The following SEPTIN9 variants were observed in gnomAD, a reference collection of about 807,000 sequenced individuals.
SEPTIN9 encodes the protein septin-9.
Under a neutral mutation model 56.6 loss-of-function variants are expected in SEPTIN9, and 13 were observed. The ratio of observed to expected loss-of-function variants is 0.23; its 90% confidence interval spans 0.15 to 0.37. SEPTIN9 has a LOEUF of 0.37. Among genes scored for constraint, SEPTIN9 ranks in the 10% least tolerant of loss-of-function variants. SEPTIN9 has a pLI of 1.00. For synonymous variants in SEPTIN9, 332 were observed against 334.1 expected, an observed-to-expected ratio of 0.99 and a Z score of 0.07; for missense variants, 650 against 823.1, an observed-to-expected ratio of 0.79 and a Z score of 2.57.
Position 77,425,740 on chromosome 17 carries a change from C to G in SEPTIN9, c.721+23037C>G, listed in dbSNP as rs543048496. Among the ~76,000 whole-genome samples, 181 of 151,798 alleles carry G rather than the reference C, an allele frequency of 1.2e-3. No individual in the cohort carries two copies. Among genetic ancestry groups the G allele is most frequent in the African/African-American group, 3.9e-3 (162 of 41,314 alleles). On this transcript the variant is annotated intron_variant, in intron 3 of 11. Transcript: ENST00000427177. This position sits in a 1 kb window ranked among gnomAD's most constrained non-coding sequence, Gnocchi z 4.2. ...GGGAGGCTAAGAGGAAGCTGCCCCC[C>G]GCTCATCTACCCCCCAACCCTCCCA...
chr17:77,464,652 G>A (rs1037516807), intron 3 of SEPTIN9, among the ~76,000 whole-genome samples: 3 of 151,154 alleles, frequency 2.0e-5, no homozygotes, highest in Non-Finnish European at 2.9e-5. Context: ...CCAGGCTGGA[G>A]TGCAGTGGCG....
Position 77,451,598 on chromosome 17 carries a change from C to T in SEPTIN9, c.722-30546C>T. The T allele has an allele frequency of 1.0e-6, 1 of 967,380 alleles. No homozygotes were observed. The highest frequency in any genetic ancestry group is 1.2e-6 in the Non-Finnish European group (1 of 813,560). The allele number at this position is 967,380 out of a possible 1,614,324, so 59.9% of individuals were successfully genotyped here. ...CGGGGGCTCTCAGGTGGCGCGGCCG[C>T]GAGGCGGACCCTGATGGCCATGGTG... On this transcript the variant is annotated intron_variant, in intron 3 of 11. Coordinates refer to ENST00000427177, the MANE Select transcript of SEPTIN9 (RefSeq NM_001113491.2). This position sits in a 1 kb window ranked among gnomAD's most constrained non-coding sequence, Gnocchi z 4.2.
At position 77,456,931 on chromosome 17, in the gene SEPTIN9, G is replaced by A. The variant is rs2038230258; in HGVS notation, c.722-25213G>A. Among the ~76,000 whole-genome samples, 1 of 152,250 alleles carries A rather than the reference G, an allele frequency of 6.6e-6. No homozygotes were observed. Among genetic ancestry groups the A allele is most frequent in the South Asian group, 2.1e-4 (1 of 4,836 alleles). On this transcript the variant is annotated intron_variant, in intron 3 of 11. Transcript: ENST00000427177. The surrounding 1 kb of genome is among the most constrained non-coding windows in gnomAD (Gnocchi z 6.0). ...ACCAGGTCTCAGGGACCAGCGCTGG[G>A]ACCCTGGATGACTGAAGGAGGGCAC...
In SEPTIN9 at chr17:77,293,329, T is replaced by G. The variant is rs187874308; in HGVS notation, c.19+11775T>G. On this transcript the variant is annotated intron_variant, in intron 1 of 11. Transcript: ENST00000427177. ...CCATCACGCCTTGCTAATTTTTGTA[T>G]TTTTTGTGTGTGTGTAAAGACAAGG... Among the ~76,000 whole-genome samples, 13 of 152,300 alleles carry G rather than the reference T, an allele frequency of 8.5e-5. No individual in the cohort carries two copies. The East Asian group carries it at 2.5e-3, about 29-fold the overall frequency.
chr17:77,487,352 G>C lies in SEPTIN9; in HGVS notation c.914-72G>C, dbSNP rs991096451. On this transcript the variant is annotated intron_variant, in intron 4 of 11. Coordinates refer to ENST00000427177, the MANE Select transcript of SEPTIN9 (RefSeq NM_001113491.2). The surrounding 1 kb of genome is among the most constrained non-coding windows in gnomAD (Gnocchi z 4.3). ...ACTGGAGAGCCTCGTGCCTGGGTGG[G>C]AGGGGCCCCATGTGCAGACCCTGCT... 20 of 1,523,824 alleles carry C rather than the reference G, an allele frequency of 1.3e-5. No homozygotes were observed. Among genetic ancestry groups the C allele is most frequent in the Non-Finnish European group, 1.8e-5 (20 of 1,123,912 alleles). 94.4% of individuals were successfully genotyped at this position (1,523,824 alleles called of 1,614,324 possible). A position where few individuals can be genotyped will look rare whatever the true frequency, so the allele number is the denominator to read the frequency against.
chr17:77,410,729 A>G (rs2036266733), intron 3 of SEPTIN9, among the ~76,000 whole-genome samples: 1 of 152,182 alleles, frequency 6.6e-6, no homozygotes, highest in Non-Finnish European at 1.5e-5. Flanking sequence ...AAGCACATAA[A>G]CAAAAGCCAA....
intron 1 of SEPTIN9, among the ~76,000 whole-genome samples, chr17:77,302,460 A>G (rs181631718): frequency 6.6e-6 from 1 of 152,084 alleles, no homozygotes; most frequent in Non-Finnish European, 1.5e-5. Flanking sequence ...TGGGAGGATC[A>G]CAAGGTCAGG....
At chr17:77,490,939 A>C (rs950276956) in intron 8 of SEPTIN9, 80 bp downstream of exon 8, 9 of 1,118,756 alleles carry the variant, frequency 8.0e-6, no homozygotes, top group Non-Finnish European at 1.2e-5. Context: ...CACCCCGTCT[A>C]AAGGAGTCAC....
chr17:77,450,609 C>A lies in SEPTIN9; in HGVS notation c.722-31535C>A. 1.0e-6 allele frequency: 1 copy of A among 985,752 alleles called. No homozygotes were observed. Among genetic ancestry groups the A allele is most frequent in the Non-Finnish European group, 1.2e-6 (1 of 830,184 alleles). The allele number at this position is 985,752 out of a possible 1,614,324, so 61.1% of individuals were successfully genotyped here. ...AGGCCCAGCCCCTATAGTGTCAGCTCCCTCCTCTGGGGACCCCCTTGCTTG... is the reference window on the plus strand; with the variant it reads ...AGGCCCAGCCCCTATAGTGTCAGCTACCTCCTCTGGGGACCCCCTTGCTTG... On this transcript the variant is annotated intron_variant, in intron 3 of 11. Transcript: ENST00000427177. This position sits in a 1 kb window ranked among gnomAD's most constrained non-coding sequence, Gnocchi z 6.0.
intron 2 of SEPTIN9, among the ~76,000 whole-genome samples, chr17:77,309,088 T>A (rs949803848): frequency 3.3e-5 from 5 of 152,222 alleles, no homozygotes; most frequent in Non-Finnish European, 4.4e-5. Context: ...CCTCTCCATC[T>A]CCTTCCCTCT....
intron 2 of SEPTIN9, among the ~76,000 whole-genome samples, chr17:77,334,421 C>CAA (rs34122443): frequency 5.4e-5 from 5 of 92,250 alleles, no homozygotes; most frequent in African/African-American, 1.3e-4. Context: ...GACTCTGTCT[C>CAA]AAAAAAAAAA....
chr17:77,452,725 G>A (rs1462552863), intron 3 of SEPTIN9, among the ~76,000 whole-genome samples: 2 of 151,804 alleles, frequency 1.3e-5, no homozygotes, highest in African/African-American at 4.8e-5. Flanking sequence ...AATGCTGTGG[G>A]TTTTCCTCCT....
chr17:77,413,200 C>G (rs9916143), intron 3 of SEPTIN9, among the ~76,000 whole-genome samples: 58,908 of 151,574 alleles, frequency 0.39, 12,174 homozygotes, highest in African/African-American at 0.48. Flanking sequence ...TACCCTCTGC[C>G]TTCTGGAACA....
intron 3 of SEPTIN9, among the ~76,000 whole-genome samples, chr17:77,467,665 G>A (rs1460437929): frequency 3.9e-5 from 6 of 152,374 alleles, no homozygotes; most frequent in East Asian, 1.9e-4. Context: ...GGTGGAAGCC[G>A]GAAATCATGA....
intron 2 of SEPTIN9, among the ~76,000 whole-genome samples, chr17:77,354,661 C>G (rs2034167321): frequency 6.6e-6 from 1 of 152,140 alleles, no homozygotes; most frequent in Non-Finnish European, 1.5e-5. Context: ...TTTCTCCTCC[C>G]AAGAAGCTTT....
At chr17:77,347,741 G>A (rs910717751) in intron 2 of SEPTIN9, among the ~76,000 whole-genome samples, 2 of 152,020 alleles carry the variant, frequency 1.3e-5, no homozygotes, top group Non-Finnish European at 2.9e-5. Context: ...AGTAGAAACT[G>A]TACTTTAAGT....
In SEPTIN9 at chr17:77,475,137, C is replaced by T. The variant is rs2039154871; in HGVS notation, c.722-7007C>T. 3.4e-6 allele frequency: 3 copies of T among 891,770 alleles called. No homozygotes were observed. Among genetic ancestry groups the T allele is most frequent in the Admixed American group, 4.5e-5 (1 of 21,996 alleles). 55.2% of individuals were successfully genotyped at this position (891,770 alleles called of 1,614,324 possible). On this transcript the variant is annotated intron_variant, in intron 3 of 11. Transcript: ENST00000427177. This position sits in a 1 kb window ranked among gnomAD's most constrained non-coding sequence, Gnocchi z 4.6. ...GGGGCTTGCCGTGAGCCCTACGCTGCTCTGAAGAAAGCCGGGCTGGGGTGA... is the reference window on the plus strand; with the variant it reads ...GGGGCTTGCCGTGAGCCCTACGCTGTTCTGAAGAAAGCCGGGCTGGGGTGA...
In SEPTIN9 at chr17:77,445,666, G is replaced by A. The variant is rs898377807; in HGVS notation, c.722-36478G>A. ...CTTCCTAGCAGGTGTCAACCTCCAA[G>A]ACTGTTCTGGGCTCTTCTCCCAGTT... On this transcript the variant is annotated intron_variant, in intron 3 of 11. Coordinates refer to ENST00000427177, the MANE Select transcript of SEPTIN9 (RefSeq NM_001113491.2). The surrounding 1 kb of genome is among the most constrained non-coding windows in gnomAD (Gnocchi z 4.7). 1 of 353,840 alleles carries A rather than the reference G, an allele frequency of 2.8e-6. No homozygotes were observed. Among genetic ancestry groups the A allele is most frequent in the African/African-American group, 2.2e-5 (1 of 46,382 alleles). 21.9% of individuals were successfully genotyped at this position (353,840 alleles called of 1,614,324 possible).
rs1381556116 is a variant in SEPTIN9 at position 77,492,052 on chromosome 17, C to T, written c.1381-569C>T. Among the ~76,000 whole-genome samples the T allele has an allele frequency of 1.3e-5, 2 of 152,192 alleles. No homozygotes were observed. The highest frequency in any genetic ancestry group is 2.1e-4 in the South Asian group (1 of 4,820). The stretch of plus-strand genomic sequence containing the variant: ...TGTGGGTGGGGCCTGTAACCTACTC[C>T]GTCCTGGGGCCAGGTGTCAGGGACC... On this transcript the variant is annotated intron_variant, in intron 8 of 11. Transcript: ENST00000427177. This position sits in a 1 kb window ranked among gnomAD's most constrained non-coding sequence, Gnocchi z 5.4.
Sources: allele counts gnomAD v4.1 joint callset (sites outside exome capture counted in the v4.1 genomes callset), GRCh38; gene constraint gnomAD v4.1.1; non-coding constraint Gnocchi (gnomAD v3.1); transcripts MANE v1.5; gene names NCBI Gene and HGNC (gene_info 2026-07-23, HGNC 2026-07-21).